Variants in PCDHGA11 observed in about 807,000 individuals in gnomAD.
PCDHGA11 encodes the protein protocadherin gamma-A11.
In PCDHGA11, 39 loss-of-function variants were observed where a neutral mutation model predicts 60.4. The ratio of observed to expected loss-of-function variants is 0.65; its 90% confidence interval spans 0.50 to 0.84. The LOEUF is 0.84. PCDHGA11 is among the 40% of genes least tolerant of loss of function. The pLI is 0.00. For synonymous variants in PCDHGA11, 533 were observed against 510.3 expected, an observed-to-expected ratio of 1.04 and a Z score of -0.60; for missense variants, 1,165 against 1,197.7, an observed-to-expected ratio of 0.97 and a Z score of 0.40.
At chr5:141,495,257 A>T (rs1411983517) in intron 2 of PCDHGA11, among the ~76,000 whole-genome samples, 1 of 152,200 alleles carries the variant, frequency 6.6e-6, no homozygotes, top group Non-Finnish European at 1.5e-5. Context: ...CTCAGGCAGA[A>T]AAGCATTTGA....
At chr5:141,497,703 C>T (rs995815060) in intron 2 of PCDHGA11, among the ~76,000 whole-genome samples, 16 of 152,134 alleles carry the variant, frequency 1.1e-4, no homozygotes, top group African/African-American at 3.9e-4. Context: ...CCACACCCAG[C>T]TCATTTTTGT....
chr5:141,440,905 C>A (rs986711694), intron 1 of PCDHGA11: 1 of 152,184 alleles, frequency 6.6e-6, no homozygotes, highest in East Asian at 1.9e-4. Context: ...TGCATCCGGG[C>A]ACTCCTGTGC....
rs748803155 is a variant in PCDHGA11, at chr5:141,490,087, G to A, written c.2434-4720G>A. On this transcript the variant is annotated intron_variant, in intron 1 of 3. Coordinates refer to ENST00000398587, the MANE Select transcript of PCDHGA11 (RefSeq NM_018914.3). The surrounding 1 kb of genome is among the most constrained non-coding windows in gnomAD (Gnocchi z 5.4). ...CGGCCAACTAGACTATTCTTTTGGA[G>A]ACCACACATCTGAGGCAGTGCGGAA... 2.5e-6 allele frequency: 4 copies of A among 1,614,244 alleles called. No homozygotes were observed. The highest frequency in any genetic ancestry group is 1.3e-5 in the African/African-American group (1 of 75,068).
intron 1 of PCDHGA11, chr5:141,427,083 C>T: frequency 2.2e-6 from 1 of 458,128 alleles, no homozygotes; most frequent in South Asian, 1.5e-5. Flanking sequence ...AGCCACTGAC[C>T]AGGATGAGGG....
Position 141,486,817 on chromosome 5 carries a change from T to A in PCDHGA11, c.2434-7990T>A, listed in dbSNP as rs143638501. On this transcript the variant is annotated intron_variant, in intron 1 of 3. Transcript: ENST00000398587. The surrounding 1 kb of genome is among the most constrained non-coding windows in gnomAD (Gnocchi z 5.0). ...GGGGCAACCCACCCCTTAGCAGCAC[T>A]GTAACAGTTCGTCTATTTGTGCTGG... 1 of 1,614,102 alleles carries A rather than the reference T, an allele frequency of 6.2e-7. No homozygotes were observed. Among genetic ancestry groups the A allele is most frequent in the East Asian group, 2.2e-5 (1 of 44,898 alleles).
At chr5:141,438,063 A>G (rs540817874) in intron 1 of PCDHGA11, among the ~76,000 whole-genome samples, 11 of 152,224 alleles carry the variant, frequency 7.2e-5, no homozygotes, top group Non-Finnish European at 1.5e-4. Context: ...CTTTTAAGAA[A>G]CCATACTTAA....
In PCDHGA11 at chr5:141,489,399, C is replaced by A. The variant is rs2099686689; in HGVS notation, c.2434-5408C>A. On this transcript the variant is annotated intron_variant, in intron 1 of 3. Coordinates refer to ENST00000398587, the MANE Select transcript of PCDHGA11 (RefSeq NM_018914.3). The surrounding 1 kb of genome is among the most constrained non-coding windows in gnomAD (Gnocchi z 4.5). ...TGGGGAATGTTGCTCAGGATCTGGGCTTAAAGATGACAGATCTGTTGAGCC... is the reference window on the plus strand; with the variant it reads ...TGGGGAATGTTGCTCAGGATCTGGGATTAAAGATGACAGATCTGTTGAGCC... 1 of 1,614,024 alleles carries A rather than the reference C, an allele frequency of 6.2e-7. No homozygotes were observed. Among genetic ancestry groups the A allele is most frequent in the African/African-American group, 1.3e-5 (1 of 74,910 alleles).
chr5:141,492,384 C>G (rs1001189412), intron 1 of PCDHGA11, among the ~76,000 whole-genome samples: 1 of 152,230 alleles, frequency 6.6e-6, no homozygotes, highest in Non-Finnish European at 1.5e-5. Context: ...AGGCCTGTTC[C>G]GGTCCACTCG....
In PCDHGA11 at chr5:141,477,891, G is replaced by T. The variant is rs750359063; in HGVS notation, c.2434-16916G>T. 10 of 1,614,066 alleles carry T rather than the reference G, an allele frequency of 6.2e-6. No individual in the cohort carries two copies. The African/African-American group carries it at 1.2e-4, about 19-fold the overall frequency. ...ACCTCAGCTGGCCACCTAGTGTCAC[G>T]GGTGGTAGGCTGGGACGCGGATGCA... is the stretch of plus-strand genomic sequence containing the variant. On this transcript the variant is annotated intron_variant, in intron 1 of 3. Coordinates refer to ENST00000398587, the MANE Select transcript of PCDHGA11 (RefSeq NM_018914.3). This position sits in a 1 kb window ranked among gnomAD's most constrained non-coding sequence, Gnocchi z 4.9.
intron 1 of PCDHGA11, chr5:141,471,535 T>C (rs553186728): frequency 6.6e-6 from 1 of 152,368 alleles, no homozygotes; most frequent in African/African-American, 2.4e-5. Context: ...GAAGCTATGA[T>C]AGCATTTAAG....
At chr5:141,455,755 T>C (rs1283272521) in intron 1 of PCDHGA11, among the ~76,000 whole-genome samples, 1 of 152,150 alleles carries the variant, frequency 6.6e-6, no homozygotes, top group Non-Finnish European at 1.5e-5. Flanking sequence ...CTGGCCTGGC[T>C]CCTAGAGCCG....
At chr5:141,480,295 G>A (rs1190133739) in intron 1 of PCDHGA11, among the ~76,000 whole-genome samples, 2 of 133,330 alleles carry the variant, frequency 1.5e-5, no homozygotes, top group Admixed American at 7.4e-5. Context: ...TGCACCTGTG[G>A]TACCAGCTAC....
rs775204388 is a variant in PCDHGA11, at chr5:141,490,235, G to T, written c.2434-4572G>T. On this transcript the variant is annotated intron_variant, in intron 1 of 3. Transcript: ENST00000398587. This position sits in a 1 kb window ranked among gnomAD's most constrained non-coding sequence, Gnocchi z 5.4. ...GACCAGGGACAGCCTGCCATGGAGG[G>T]CCACTGTGTGATTCAAGTGGATGTG... 1 of 1,614,228 alleles carries T rather than the reference G, an allele frequency of 6.2e-7. No homozygotes were observed. The highest frequency in any genetic ancestry group is 1.1e-5 in the South Asian group (1 of 91,084).
rs1554116817 is a variant in PCDHGA11 at position 141,423,755 on chromosome 5, G to GGC, written c.2433+96_2433+97insCG. 3 of 512,420 alleles carry GGC rather than the reference G, an allele frequency of 5.9e-6. No individual in the cohort carries two copies. The African/African-American group carries it at 8.1e-5, about 14-fold the overall frequency. 31.7% of individuals were successfully genotyped at this position (512,420 alleles called of 1,614,324 possible). A position where few individuals can be genotyped will look rare whatever the true frequency, so the allele number is the denominator to read the frequency against. On this transcript the variant is annotated intron_variant, in intron 1 of 3. Coordinates refer to ENST00000398587, the MANE Select transcript of PCDHGA11 (RefSeq NM_018914.3). ...AGCCTGTTATGAAAACTGTTTGGGGGGGGGGTGGGGCGGCATATATTTAGT... is the reference window on the plus strand; with the variant it reads ...AGCCTGTTATGAAAACTGTTTGGGGGGCGGGGGTGGGGCGGCATATATTTAGT...
intron 2 of PCDHGA11, among the ~76,000 whole-genome samples, chr5:141,497,336 A>G (rs558221190): frequency 1.6e-3 from 251 of 152,122 alleles, no homozygotes; most frequent in Non-Finnish European, 2.8e-3. Flanking sequence ...TTCACCATTG[A>G]ACCTGGAAGC....
rs1340974686 is a variant in PCDHGA11, at chr5:141,477,604, C to T, written c.2434-17203C>T. The T allele has an allele frequency of 6.2e-7, 1 of 1,614,084 alleles. No individual in the cohort carries two copies. Among genetic ancestry groups the T allele is most frequent in the Non-Finnish European group, 8.5e-7 (1 of 1,180,054 alleles). ...AGAATGCTCGGCTTTCTTTCTTTCT[C>T]TTGGAGCAAGGAGCTGAAACCGGGC... On this transcript the variant is annotated intron_variant, in intron 1 of 3. Coordinates refer to ENST00000398587, the MANE Select transcript of PCDHGA11 (RefSeq NM_018914.3). The surrounding 1 kb of genome is among the most constrained non-coding windows in gnomAD (Gnocchi z 4.9).
intron 1 of PCDHGA11, among the ~76,000 whole-genome samples, chr5:141,460,724 A>G (rs1294708205): frequency 6.6e-6 from 1 of 152,114 alleles, no homozygotes; most frequent in Non-Finnish European, 1.5e-5. Flanking sequence ...TGTTATAAGC[A>G]TATATACACA....
rs1561800204 is a variant in PCDHGA11 at position 141,422,228 on chromosome 5, T to C, written c.1001T>C (p.Met334Thr). The C allele has an allele frequency of 6.4e-7, 1 of 1,565,566 alleles. No individual in the cohort carries two copies. Among genetic ancestry groups the C allele is most frequent in the Non-Finnish European group, 8.6e-7 (1 of 1,161,496 alleles). ...DGGGLFTTTTMLITVVDVNDN... is the reference protein window; with the variant it reads ...DGGGLFTTTTTLITVVDVNDN... ...GGAGGTCTCTTTACCACCACGACGA[T>C]GTTGATCACTGTTGTGGATGTGAAT... Residue 334 changes from methionine (M) to threonine (T), a missense_variant, in exon 1 of 4, where the codon ATG becomes ACG. Met to Thr is a moderately conservative substitution (Grantham distance 81, BLOSUM62 -1). Coordinates refer to ENST00000398587, the MANE Select transcript of PCDHGA11 (RefSeq NM_018914.3).
rs1446853595 is a variant in PCDHGA11 at position 141,491,363 on chromosome 5, C to A, written c.2434-3444C>A. The A allele has an allele frequency of 1.2e-6, 2 of 1,614,182 alleles. No homozygotes were observed. Among genetic ancestry groups the A allele is most frequent in the South Asian group, 2.2e-5 (2 of 91,082 alleles). On this transcript the variant is annotated intron_variant, in intron 1 of 3. Coordinates refer to ENST00000398587, the MANE Select transcript of PCDHGA11 (RefSeq NM_018914.3). The surrounding 1 kb of genome is among the most constrained non-coding windows in gnomAD (Gnocchi z 6.9). ...ACCGTCAGTCTCTTATCCCTAGTCA[C>A]CTTCACCTTTCTGTCAGCGAAGTGC...
Sources: gnomAD v4.1 joint callset for allele counts (sites outside exome capture counted in the v4.1 genomes callset) on GRCh38, gnomAD v4.1.1 for gene constraint, Gnocchi (gnomAD v3.1) non-coding constraint, MANE v1.5 for transcripts, NCBI Gene and HGNC (gene_info 2026-07-23, HGNC 2026-07-21) for gene names.